The following RIMS4 variants were observed in gnomAD, a reference collection of about 807,000 sequenced individuals.
RIMS4 encodes the protein regulating synaptic membrane exocytosis 4.
In RIMS4, 9 loss-of-function variants were observed where a neutral mutation model predicts 29.0. The observed-to-expected ratio is 0.31, with a 90% CI of 0.19 to 0.54. The LOEUF (loss-of-function observed/expected upper bound fraction) is 0.54. Ranked by LOEUF, RIMS4 falls within the 20% of genes least tolerant of loss-of-function variation. The probability of loss-of-function intolerance (pLI) is 0.94; values close to 1 mark genes in which losing one functional copy is unlikely to be tolerated. For missense variants in RIMS4, 193 were observed against 365.7 expected (o/e 0.53, Z 3.85); for synonymous variants, 130 against 152.9 (o/e 0.85, Z 1.10).
At position 44,776,906 on chromosome 20, in the gene RIMS4, C is replaced by T. The variant is rs1048586202; in HGVS notation, c.98-5493G>A. Among the ~76,000 whole-genome samples the T allele has an allele frequency of 2.6e-5, 4 of 152,170 alleles. No individual in the cohort carries two copies. The East Asian group carries it at 5.8e-4, about 22-fold the overall frequency. On this transcript the variant is annotated intron_variant, in intron 1 of 5. Coordinates refer to ENST00000372851, the MANE Select transcript of RIMS4 (RefSeq NM_182970.4). ...TAAGTAACTTTCCCAAGGACATGCA[C>T]GACTACTAATGGTGGAGCTGGACTT...
At chr20:44,793,692 C>T (rs1191603112) in intron 1 of RIMS4, among the ~76,000 whole-genome samples, 1 of 152,128 alleles carries the variant, frequency 6.6e-6, no homozygotes. Context: ...AGAGTGAAGC[C>T]AGAGGCCTGA....
intron 1 of RIMS4, among the ~76,000 whole-genome samples, chr20:44,800,443 C>T (rs1486167212): frequency 6.6e-6 from 1 of 152,006 alleles, no homozygotes; most frequent in Non-Finnish European, 1.5e-5. Context: ...GATCAGAAGA[C>T]AGGGGTGCCC....
chr20:44,791,327 T>C (rs923643700), intron 1 of RIMS4, among the ~76,000 whole-genome samples: 4 of 152,356 alleles, frequency 2.6e-5, no homozygotes, highest in African/African-American at 9.6e-5. Flanking sequence ...ACATAGCATA[T>C]ACGGTGTTAT....
At position 44,756,841 on chromosome 20, in the gene RIMS4, T is replaced by C. The variant is rs1403459932; in HGVS notation, c.591+57A>G. The C allele has an allele frequency of 2.6e-6, 4 of 1,564,132 alleles. No homozygotes were observed. In the Admixed American group the frequency reaches 7.0e-5, roughly 27 times the overall value. On this transcript the variant is annotated intron_variant, in intron 5 of 5. Transcript: ENST00000372851. This position sits in a 1 kb window ranked among gnomAD's most constrained non-coding sequence, Gnocchi z 5.9. ...CAGGGGTGCCCTCCTCTCATTCTGG[T>C]ACTGTGCATGTGTGCTCGTGCACAC... is the stretch of plus-strand genomic sequence containing the variant.
Position 44,756,137 on chromosome 20 carries a change from A to C in RIMS4, c.807T>G (p.Ser269=), listed in dbSNP as rs969163292. The stretch of plus-strand genomic sequence containing the variant: ...GGAGCCCCTCCCCATTCCAGCACTA[A>C]GATCGTTCTCCGCAGGGCCCCACGG... ...ESTVGPCGER[S] is the part of the protein sequence containing the mutation. The change falls in exon 6 of 6, where the codon TCT becomes TCG. Residue 269 remains serine (S), a synonymous_variant. Coordinates refer to ENST00000372851, the MANE Select transcript of RIMS4 (RefSeq NM_182970.4). The surrounding 1 kb of genome is among the most constrained non-coding windows in gnomAD (Gnocchi z 5.9). 6.3e-7 allele frequency: 1 copy of C among 1,598,178 alleles called. No individual in the cohort carries two copies. The highest frequency in any genetic ancestry group is 1.7e-5 in the Admixed American group (1 of 59,464).
chr20:44,802,795 G>A (rs900972171), intron 1 of RIMS4, among the ~76,000 whole-genome samples: 1 of 152,164 alleles, frequency 6.6e-6, no homozygotes, highest in Non-Finnish European at 1.5e-5. Flanking sequence ...CTACAAGGCT[G>A]AGATAATTTG....
chr20:44,776,244 C>G (rs1486570723), intron 1 of RIMS4, among the ~76,000 whole-genome samples: 1 of 152,154 alleles, frequency 6.6e-6, no homozygotes, highest in Non-Finnish European at 1.5e-5. Flanking sequence ...GCCTGGGTAA[C>G]AGAGTAAAAT....
At chr20:44,791,834 T>C (rs909161302) in intron 1 of RIMS4, among the ~76,000 whole-genome samples, 5 of 152,208 alleles carry the variant, frequency 3.3e-5, no homozygotes, top group African/African-American at 1.2e-4. Flanking sequence ...ACGATGATGC[T>C]ATAACTCAGA....
intron 1 of RIMS4, among the ~76,000 whole-genome samples, chr20:44,795,571 G>A (rs2066251284): frequency 6.6e-6 from 1 of 152,110 alleles, no homozygotes; most frequent in Non-Finnish European, 1.5e-5. Context: ...GGCAGAGCTT[G>A]AAGTGAGCCA....
intron 1 of RIMS4, among the ~76,000 whole-genome samples, chr20:44,799,004 T>C (rs1337325275): frequency 6.6e-6 from 1 of 152,218 alleles, no homozygotes; most frequent in Non-Finnish European, 1.5e-5. Flanking sequence ...AGAAGGTACA[T>C]GTTAAATTCT....
chr20:44,773,610 C>T (rs1021276880), intron 1 of RIMS4, among the ~76,000 whole-genome samples: 2 of 152,148 alleles, frequency 1.3e-5, no homozygotes, highest in African/African-American at 4.8e-5. Context: ...GCCCCCACCC[C>T]GGATCCATCT....
At chr20:44,783,642 CA>C (rs548216866) in intron 1 of RIMS4, among the ~76,000 whole-genome samples, 14 of 145,680 alleles carry the variant, frequency 9.6e-5, no homozygotes, top group Admixed American at 2.7e-4. Flanking sequence ...AAAACAAAAA[CA>C]AAAAAAAAAC....
chr20:44,799,321 C>T (rs2066267998), intron 1 of RIMS4, among the ~76,000 whole-genome samples: 1 of 151,850 alleles, frequency 6.6e-6, no homozygotes, highest in African/African-American at 2.4e-5. Flanking sequence ...AAAAAATTAT[C>T]CCTTGCTAGA....
At position 44,771,125 on chromosome 20, in the gene RIMS4, T is replaced by A. The variant is rs1218840084; in HGVS notation, c.236+150A>T. On this transcript the variant is annotated intron_variant, in intron 2 of 5. Coordinates refer to ENST00000372851, the MANE Select transcript of RIMS4 (RefSeq NM_182970.4). ...GGGCTTTGCTGTTACACTGCCTCCC[T>A]TCTGAAGATGGGGGATGAACCTGGA... 9 of 864,408 alleles carry A rather than the reference T, an allele frequency of 1.0e-5. No homozygotes were observed. The East Asian group carries it at 2.4e-4, about 23-fold the overall frequency. 53.5% of individuals were successfully genotyped at this position (864,408 alleles called of 1,614,324 possible). A position where few individuals can be genotyped will look rare whatever the true frequency, so the allele number is the denominator to read the frequency against.
chr20:44,801,140 C>T (rs1006449012), intron 1 of RIMS4, among the ~76,000 whole-genome samples: 1 of 152,170 alleles, frequency 6.6e-6, no homozygotes, highest in Non-Finnish European at 1.5e-5. Flanking sequence ...CTAGAAAGGG[C>T]CAGAGATGCA....
intron 3 of RIMS4, 87 bp downstream of exon 3, chr20:44,757,985 G>C: frequency 9.1e-7 from 1 of 1,095,186 alleles, no homozygotes; most frequent in Non-Finnish European, 1.4e-6. Context: ...GGATCAACAG[G>C]CAAAGGGGAA....
rs559158278 is a variant in RIMS4, at chr20:44,771,979, A to G, written c.98-566T>C. Among the ~76,000 whole-genome samples the G allele has an allele frequency of 3.4e-4, 52 of 152,258 alleles. No homozygotes were observed. In the South Asian group the frequency reaches 6.6e-3, roughly 19 times the overall value. On this transcript the variant is annotated intron_variant, in intron 1 of 5. Coordinates refer to ENST00000372851, the MANE Select transcript of RIMS4 (RefSeq NM_182970.4). ...TGCCAAATAGCCCCTAGGCAGCAAA[A>G]ATCACCCTTGATTGAGGACTACTCG...
In RIMS4 at chr20:44,807,610, CCT is replaced by C. The variant is rs1317459259; in HGVS notation, c.97+2563_97+2564del. 3.3e-5 allele frequency among the ~76,000 whole-genome samples: 5 copies of C among 152,148 alleles called. No homozygotes were observed. The South Asian group carries it at 8.3e-4, about 25-fold the overall frequency. On this transcript the variant is annotated intron_variant, in intron 1 of 5. Transcript: ENST00000372851. ...GGGAGAAGAGGCAGGTAGAGCCACG[CCT>C]GTGTCCAGTATGGGAGAGACCATTC...
chr20:44,795,673 A>C (rs2066251952), intron 1 of RIMS4, among the ~76,000 whole-genome samples: 1 of 152,062 alleles, frequency 6.6e-6, no homozygotes, highest in African/African-American at 2.4e-5. Context: ...AACCTCACAG[A>C]GTAGTTTTGG....
Sources: gnomAD v4.1 joint callset for allele counts (sites outside exome capture counted in the v4.1 genomes callset) on GRCh38, gnomAD v4.1.1 for gene constraint, Gnocchi (gnomAD v3.1) non-coding constraint, MANE v1.5 for transcripts, NCBI Gene and HGNC (gene_info 2026-07-23, HGNC 2026-07-21) for gene names.